Variants in DRICH1 observed in about 807,000 individuals in gnomAD.
DRICH1 encodes aspartate rich 1, also known as aspartate-rich protein 1.
A neutral mutation model predicts 39.5 loss-of-function variants in DRICH1; 38 were observed. That is an observed-to-expected ratio of 0.96 (90% CI 0.74 to 1.26). The LOEUF (loss-of-function observed/expected upper bound fraction) is 1.26. Ranked by LOEUF, DRICH1 falls within the 50% of genes most tolerant of loss-of-function variation. DRICH1 has a pLI of 0.00. For missense variants in DRICH1, 279 were observed against 270.4 expected (o/e 1.03, Z -0.22); for synonymous variants, 84 against 99.5 (o/e 0.84, Z 0.93).
intron 11 of DRICH1, among the ~76,000 whole-genome samples, chr22:23,612,730 C>G (rs1927114358): frequency 6.6e-6 from 1 of 152,102 alleles, no homozygotes; most frequent in Admixed American, 6.6e-5. Context: ...TGGAGTTTTA[C>G]CAGTGACCCC....
intron 10 of DRICH1, 44 bp downstream of exon 10, chr22:23,613,595 G>T (rs777059822): frequency 8.5e-6 from 13 of 1,522,548 alleles, no homozygotes; most frequent in African/African-American, 1.4e-5. Flanking sequence ...ACTGAAGCTA[G>T]CAAGTTTTTT....
chr22:23,626,660 A>G (rs577280665), intron 1 of DRICH1, among the ~76,000 whole-genome samples: 1 of 152,334 alleles, frequency 6.6e-6, no homozygotes, highest in Non-Finnish European at 1.5e-5. Flanking sequence ...AAGTTATTCC[A>G]GAGAGCAACT....
At chr22:23,619,542 C>A in intron 5 of DRICH1, 149 bp from the exon 6 acceptor site, 1 of 572,322 alleles carries the variant, frequency 1.7e-6, no homozygotes. Context: ...AAACAGCATG[C>A]TTCCAGCATG....
In DRICH1 at chr22:23,622,160, G is replaced by A. The variant is rs1476160264; in HGVS notation, c.315C>T (p.Asn105=). The A allele has an allele frequency of 1.9e-6, 3 of 1,614,074 alleles. No homozygotes were observed. Among genetic ancestry groups the A allele is most frequent in the South Asian group, 1.1e-5 (1 of 91,080 alleles). The change falls in exon 4 of 12, where the codon AAC becomes AAT. Residue 105 remains asparagine (N), a synonymous_variant. Transcript: ENST00000317749. ...TTCGTGGTAGGCATACTAAACTCAG[G>A]TTGTCCTCAGAAGAACCTGGAAGGA... ...PSPVQGSSED[N]LSLVCLPRSE...
At chr22:23,608,338 G>A (rs755738223), downstream of DRICH1, 16 of 183,460 alleles carry the variant, frequency 8.7e-5, no homozygotes, top group Non-Finnish European at 1.6e-4. Context: ...CTGACAGCAA[G>A]GCTTATGAGG....
chr22:23,624,235 G>T (rs879145071), intron 3 of DRICH1: 58 of 985,264 alleles, frequency 5.9e-5, no homozygotes, highest in South Asian at 1.9e-4. Flanking sequence ...GTGAGTAACT[G>T]CTTGTGACAG....
At chr22:23,601,180 G>GTCCAATT in the DRICH1 span, among the ~76,000 whole-genome samples, 1 of 146,122 alleles carries the variant, frequency 6.8e-6, no homozygotes, top group South Asian at 2.1e-4. Context: ...ACACACACGT[G>GTCCAATT]GAAACAGCCC....
chr22:23,617,660 G>T lies in DRICH1; in HGVS notation c.437-3C>A. The stretch of plus-strand genomic sequence containing the variant: ...ACTCAGGTTGTCCTCAGAAGAACCT[G>T]GAAGCACACAGAGGAAAGATCCGTG... On this transcript the variant is annotated splice_polypyrimidine_tract_variant and splice_region_variant and intron_variant, in intron 6 of 11. Transcript: ENST00000317749. The T allele has an allele frequency of 8.1e-6, 13 of 1,613,984 alleles. No individual in the cohort carries two copies. Among genetic ancestry groups the T allele is most frequent in the Non-Finnish European group, 1.1e-5 (13 of 1,179,910 alleles).
At chr22:23,598,008 G>C in the DRICH1 span, among the ~76,000 whole-genome samples, 1 of 150,644 alleles carries the variant, frequency 6.6e-6, no homozygotes, top group East Asian at 2.0e-4. Context: ...GTTTAGGTCA[G>C]TGTTAAGATT....
Position 23,614,221 on chromosome 22 carries a change from G to A in DRICH1, c.542-7C>T, listed in dbSNP as rs767235296. On this transcript the variant is annotated splice_region_variant and splice_polypyrimidine_tract_variant and intron_variant, in intron 8 of 11. Coordinates refer to ENST00000317749, the MANE Select transcript of DRICH1 (RefSeq NM_016449.4). Reference sequence around the variant, plus strand: ...AGGCTATCTTCAGAACAAGCTGGAAGGACACAGAGGAAAGATCAGTGCACC... The same window carrying A: ...AGGCTATCTTCAGAACAAGCTGGAAAGACACAGAGGAAAGATCAGTGCACC... 4 of 1,608,038 alleles carry A rather than the reference G, an allele frequency of 2.5e-6. No homozygotes were observed. Among genetic ancestry groups the A allele is most frequent in the Non-Finnish European group, 3.4e-6 (4 of 1,174,448 alleles).
chr22:23,624,438 T>A (rs1178521497), intron 3 of DRICH1: 2 of 743,656 alleles, frequency 2.7e-6, no homozygotes, highest in African/African-American at 3.8e-5. Flanking sequence ...ACTCAGCTTC[T>A]ATTTACTTTT....
intron 5 of DRICH1, 103 bp from the exon 6 acceptor site, chr22:23,619,496 T>A: frequency 1.4e-6 from 1 of 734,602 alleles, no homozygotes; most frequent in Non-Finnish European, 2.5e-6. Context: ...GGATGCACAT[T>A]CATGAGATTG....
At chr22:23,624,826 A>C in intron 3 of DRICH1, 57 bp downstream of exon 3, 1 of 1,568,150 alleles carries the variant, frequency 6.4e-7, no homozygotes, top group Non-Finnish European at 8.8e-7. Flanking sequence ...TAAGGTTTCT[A>C]TATATTAAAG....
In DRICH1 at chr22:23,613,592, C is replaced by A. The variant is rs186144168; in HGVS notation, c.643+47G>T. The A allele has an allele frequency of 8.6e-6, 13 of 1,509,586 alleles. No individual in the cohort carries two copies. In the East Asian group the frequency reaches 2.9e-4, roughly 34 times the overall value. 93.5% of individuals were successfully genotyped at this position (1,509,586 alleles called of 1,614,324 possible). On this transcript the variant is annotated intron_variant, in intron 10 of 11. Coordinates refer to ENST00000317749, the MANE Select transcript of DRICH1 (RefSeq NM_016449.4). ...AGAATCAGGTTTCTATACACTGAAGCTAGCAAGTTTTTTCCCTCAGGAAGT... is the reference window on the plus strand; with the variant it reads ...AGAATCAGGTTTCTATACACTGAAGATAGCAAGTTTTTTCCCTCAGGAAGT...
intron 11 of DRICH1, 49 bp from the exon 12 acceptor site, chr22:23,608,817 G>A: frequency 6.4e-7 from 1 of 1,550,752 alleles, no homozygotes; most frequent in Non-Finnish European, 8.7e-7. Flanking sequence ...TCCCAGCTTT[G>A]TGCACTATGA....
chr22:23,613,005 T>G lies in DRICH1; in HGVS notation c.685+284A>C, dbSNP rs574048276. Among the ~76,000 whole-genome samples, 14 of 152,212 alleles carry G rather than the reference T, an allele frequency of 9.2e-5. 1 individual carries two copies. The highest frequency in any genetic ancestry group is 3.4e-3 in the Middle Eastern group (1 of 294). On this transcript the variant is annotated intron_variant, in intron 11 of 11. Transcript: ENST00000317749. ...CCTTGTGCCCACTCCCAAGGAGTGT[T>G]GACTAATCCAAACCAAAGGCTATGA...
At chr22:23,618,710 C>T (rs143378620) in intron 6 of DRICH1, among the ~76,000 whole-genome samples, 3,259 of 152,082 alleles carry the variant, frequency 0.021, 97 homozygotes, top group Non-Finnish European at 0.023. Flanking sequence ...GATAAGTTTC[C>T]AGGTTCAAAT....
chr22:23,623,752 A>AT, intron 3 of DRICH1: 3 of 172,250 alleles, frequency 1.7e-5, no homozygotes, highest in Non-Finnish European at 3.5e-5. Flanking sequence ...AAATCTACAA[A>AT]AAACAGAAAT....
intron 1 of DRICH1, among the ~76,000 whole-genome samples, chr22:23,630,413 C>T (rs983374758): frequency 2.5e-5 from 2 of 80,242 alleles, no homozygotes; most frequent in African/African-American, 1.0e-4. Flanking sequence ...CCTTTCCACA[C>T]TCTCTCTCTC....
Sources: gnomAD v4.1 joint callset for allele counts (sites outside exome capture counted in the v4.1 genomes callset) on GRCh38, gnomAD v4.1.1 for gene constraint, MANE v1.5 for transcripts, NCBI Gene and HGNC (gene_info 2026-07-23, HGNC 2026-07-21) for gene names.